SRPX: variants seen among roughly 807,000 people sequenced by gnomAD.
SRPX encodes the protein sushi repeat-containing protein SRPX.
A neutral mutation model predicts 38.1 loss-of-function variants in SRPX; 24 were observed. The observed-to-expected ratio is 0.63, with a 90% CI of 0.46 to 0.89. SRPX has a LOEUF of 0.89. Among genes scored for constraint, SRPX ranks in the 40% least tolerant of loss-of-function variants. The pLI is 0.00. For missense variants in SRPX, 416 were observed against 377.8 expected, an observed-to-expected ratio of 1.10 and a Z score of -0.84; for synonymous variants, 184 against 153.8, an observed-to-expected ratio of 1.20 and a Z score of -1.45.
At chrX:38,186,042 T>C (rs995966387) in intron 1 of SRPX, among the ~76,000 whole-genome samples, 1 of 111,438 alleles carries the variant, frequency 9.0e-6, no homozygotes, top group African/African-American at 3.3e-5. Context: ...CTCCTCACTT[T>C]AAGTGTGGAA....
At chrX:38,195,715 C>T (rs1279933583) in intron 1 of SRPX, among the ~76,000 whole-genome samples, 1 of 111,738 alleles carries the variant, frequency 8.9e-6, no homozygotes, top group Non-Finnish European at 1.9e-5. Flanking sequence ...TTGGAGACAG[C>T]CTTCCCAGCC....
intron 1 of SRPX, among the ~76,000 whole-genome samples, chrX:38,198,556 A>G (rs936388950): frequency 8.9e-6 from 1 of 112,062 alleles, no homozygotes; most frequent in Non-Finnish European, 1.9e-5. Context: ...CAAACAAGCA[A>G]GCACCCTGGG....
Position 38,156,897 on chromosome X carries a change from T to G in SRPX, c.1088A>C (p.Gln363Pro). The part of the protein sequence containing the change: ...LLYRLQLGML[Q>P]QAQCGLDLRH... ...CTTGGCCCTGCCTCGAGGACTCACC[T>G]GCAGCATTCCTAGCTGGAGCCGGTA... is the stretch of plus-strand genomic sequence containing the variant. The change falls in exon 8 of 10, where the codon CAG becomes CCG. Residue 363 changes from glutamine to proline, a missense_variant and splice_region_variant. Coordinates refer to ENST00000378533, the MANE Select transcript of SRPX (RefSeq NM_006307.5). The G allele has an allele frequency of 5.0e-6, 6 of 1,210,542 alleles. No individual in the cohort carries two copies. The highest frequency in any genetic ancestry group is 4.5e-6 in the Non-Finnish European group (4 of 894,959).
At chrX:38,200,946 A>G (rs184161331) in intron 1 of SRPX, among the ~76,000 whole-genome samples, 5 of 112,128 alleles carry the variant, frequency 4.5e-5, no homozygotes, top group Admixed American at 2.8e-4. Flanking sequence ...AAGGCTTTCA[A>G]AAATGAGCTA....
intron 1 of SRPX, among the ~76,000 whole-genome samples, chrX:38,187,315 T>C (rs1024757300): frequency 3.6e-5 from 4 of 112,206 alleles, no homozygotes; most frequent in Non-Finnish European, 5.6e-5. Context: ...TCTGTGTGTT[T>C]TTTAAAATTC....
rs1262810813 is a variant in SRPX, at chrX:38,160,011, A to G, written c.955+6T>C. The G allele has an allele frequency of 3.3e-6, 4 of 1,205,300 alleles. No homozygotes were observed. The highest frequency in any genetic ancestry group is 4.5e-6 in the Non-Finnish European group (4 of 892,247). ...CTGCTGCAGGCTGGAGGGGCGGCATACCTACCTGCACAGGTGGGCTCCGTG... is the reference window on the plus strand; with the variant it reads ...CTGCTGCAGGCTGGAGGGGCGGCATGCCTACCTGCACAGGTGGGCTCCGTG... On this transcript the variant is annotated splice_donor_region_variant and intron_variant, in intron 7 of 9. Coordinates refer to ENST00000378533, the MANE Select transcript of SRPX (RefSeq NM_006307.5).
intron 4 of SRPX, among the ~76,000 whole-genome samples, chrX:38,166,478 C>T (rs1195447674): frequency 1.8e-5 from 2 of 111,645 alleles, no homozygotes; most frequent in African/African-American, 3.3e-5. Flanking sequence ...AGAAATAATA[C>T]GCTTCTCAGA....
chrX:38,152,012 T>C (rs957591199), intron 9 of SRPX, among the ~76,000 whole-genome samples: 28 of 111,483 alleles, frequency 2.5e-4, no homozygotes, highest in African/African-American at 9.1e-4. Context: ...CTCTTCTTTC[T>C]GTTGACTCCC....
At position 38,174,345 on chromosome X, in the gene SRPX, G is replaced by A. The variant is rs371838902; in HGVS notation, c.164C>T (p.Pro55Leu). ...GYSHPRYKDT[P>L]WCSPIKVKYG... ...CTTCACCTTGATGGGGGAGCACCAC[G>A]GGGTATCTACAAGTAGCAGAAACAA... The change falls in exon 3 of 10, where the codon CCG (proline) becomes CTG (leucine). Residue 55 changes from proline (P) to leucine (L), a missense_variant. Transcript: ENST00000378533. The A allele has an allele frequency of 2.1e-5, 22 of 1,036,715 alleles. No homozygotes were observed. The highest frequency in any genetic ancestry group is 3.9e-5 in the Admixed American group (1 of 25,324). The allele number at this position is 1,036,715 out of a possible 1,213,427, so 85.4% of individuals were successfully genotyped here.
rs371503383 is a variant in SRPX at position 38,210,901 on chromosome X, G to A, written c.97+9795C>T. ...TAGGTGCTTATTTCATATCTGTGATGGTGTTCAAGATTCTACATTTCTATA... is the reference window on the plus strand; with the variant it reads ...TAGGTGCTTATTTCATATCTGTGATAGTGTTCAAGATTCTACATTTCTATA... On this transcript the variant is annotated intron_variant, in intron 1 of 9. Coordinates refer to ENST00000378533, the MANE Select transcript of SRPX (RefSeq NM_006307.5). 4.5e-5 allele frequency among the ~76,000 whole-genome samples: 5 copies of A among 111,908 alleles called. No individual in the cohort carries two copies. The East Asian group carries it at 8.4e-4, about 19-fold the overall frequency.
At chrX:38,182,060 C>G (rs6611176) in intron 1 of SRPX, among the ~76,000 whole-genome samples, 41,140 of 111,481 alleles carry the variant, frequency 0.37, 5,960 homozygotes, top group East Asian at 0.69. Flanking sequence ...ACACTAAGTG[C>G]CTATGATATG....
chrX:38,188,629 T>C (rs1431234938), intron 1 of SRPX, among the ~76,000 whole-genome samples: 2 of 111,851 alleles, frequency 1.8e-5, no homozygotes, highest in African/African-American at 3.3e-5. Flanking sequence ...TGGGGTATAA[T>C]GGGCAAAATT....
intron 1 of SRPX, among the ~76,000 whole-genome samples, chrX:38,181,628 T>C (rs1386448199): frequency 1.8e-5 from 2 of 111,624 alleles, no homozygotes; most frequent in Non-Finnish European, 3.8e-5. Context: ...ACTGAAGTCA[T>C]GGTGCCATTT....
intron 9 of SRPX, among the ~76,000 whole-genome samples, chrX:38,153,310 T>TA (rs1481720447): frequency 2.1e-5 from 2 of 96,872 alleles, no homozygotes; most frequent in African/African-American, 7.5e-5. Context: ...TTCTTTTTTT[T>TA]TTTTTTTTTT....
At position 38,153,302 on chromosome X, in the gene SRPX, C is replaced by CTTT. The variant is rs58888978; in HGVS notation, c.1211+1157_1211+1159dup. On this transcript the variant is annotated intron_variant, in intron 9 of 9. Transcript: ENST00000378533. The stretch of plus-strand genomic sequence containing the variant: ...GAGTTTTTTCTTTCTTTCTTTCTTT[C>CTTT]TTTTTTTTTTTTTTTTTTTTTTTTT... Among the ~76,000 whole-genome samples the CTTT allele has an allele frequency of 9.0e-4, 49 of 54,695 alleles. 2 individuals are homozygous for CTTT. The highest frequency in any genetic ancestry group is 1.2e-3 in the African/African-American group (16 of 13,335). The allele number at this position is 54,695 out of a possible 115,157, so 47.5% of individuals were successfully genotyped here.
chrX:38,220,795 C>G lies in SRPX; in HGVS notation c.-3G>C, dbSNP rs908323814. 2 of 1,093,768 alleles carry G rather than the reference C, an allele frequency of 1.8e-6. No individual in the cohort carries two copies. Among genetic ancestry groups the G allele is most frequent in the Non-Finnish European group, 2.4e-6 (2 of 846,217 alleles). 90.1% of individuals were successfully genotyped at this position (1,093,768 alleles called of 1,213,427 possible). ...GGCCGATGTGCGGGGCTCCCCATGGCGAGCGGGCGCTTAGCTCGCCTCGGC... is the reference window on the plus strand; with the variant it reads ...GGCCGATGTGCGGGGCTCCCCATGGGGAGCGGGCGCTTAGCTCGCCTCGGC... On this transcript the variant is annotated 5_prime_UTR_variant, in exon 1 of 10. Coordinates refer to ENST00000378533, the MANE Select transcript of SRPX (RefSeq NM_006307.5).
At chrX:38,150,828 T>TA (rs1438236328) in intron 9 of SRPX, among the ~76,000 whole-genome samples, 1 of 112,225 alleles carries the variant, frequency 8.9e-6, no homozygotes, top group African/African-American at 3.2e-5. Context: ...GAATTTAAAC[T>TA]AAAAAATATG....
At chrX:38,156,654 C>T (rs769587336) in intron 8 of SRPX, among the ~76,000 whole-genome samples, 1 of 112,403 alleles carries the variant, frequency 8.9e-6, no homozygotes, top group East Asian at 2.8e-4. Flanking sequence ...GTCAATTAGA[C>T]TTATTGGTGA....
chrX:38,149,753 C>T lies in SRPX; in HGVS notation c.1353G>A (p.Glu451=), dbSNP rs769403530. ...LIDTFPLRKE[E]MVLQAEMSQT... ...GGCTCATTTCGGCTTGTAGGACCATCTCTTCTTTTCTCAAGGGAAAAGTGT... is the reference window on the plus strand; with the variant it reads ...GGCTCATTTCGGCTTGTAGGACCATTTCTTCTTTTCTCAAGGGAAAAGTGT... Residue 451 remains glutamate, a synonymous_variant, in exon 10 of 10, where the codon GAG becomes GAA. Coordinates refer to ENST00000378533, the MANE Select transcript of SRPX (RefSeq NM_006307.5). 1 of 1,211,124 alleles carries T rather than the reference C, an allele frequency of 8.3e-7. No homozygotes were observed. The highest frequency in any genetic ancestry group is 1.1e-6 in the Non-Finnish European group (1 of 895,311).
Sources: gnomAD v4.1 joint callset for allele counts (sites outside exome capture counted in the v4.1 genomes callset) on GRCh38, gnomAD v4.1.1 for gene constraint, MANE v1.5 for transcripts, NCBI Gene and HGNC (gene_info 2026-07-23, HGNC 2026-07-21) for gene names.